The following ARID1B variants were observed in gnomAD, a reference collection of about 807,000 sequenced individuals.
The protein encoded by ARID1B is AT-rich interactive domain-containing protein 1B.
ARID1B carries 30 observed loss-of-function variants against 212.3 expected under a neutral mutation model. The ratio of observed to expected loss-of-function variants is 0.14; its 90% CI spans 0.11 to 0.19. ARID1B has a LOEUF of 0.19. ARID1B is among the 10% of genes least tolerant of loss of function. The pLI, the probability that ARID1B is intolerant of heterozygous loss-of-function variation, is 1.00. For missense variants in ARID1B, 2,891 were observed against 3,204.0 expected, an observed-to-expected ratio of 0.90 and a Z score of 2.36; for synonymous variants, 1,402 against 1,301.7, an observed-to-expected ratio of 1.08 and a Z score of -1.66.
intron 4 of ARID1B, among the ~76,000 whole-genome samples, chr6:157,008,120 C>T (rs1406347935): frequency 6.6e-6 from 1 of 152,046 alleles, no homozygotes; most frequent in East Asian, 1.9e-4. Flanking sequence ...CTTCCTCCTT[C>T]CTTCCCTTTC....
intron 2 of ARID1B, among the ~76,000 whole-genome samples, chr6:156,855,239 A>G (rs375718988): frequency 2.0e-5 from 3 of 152,252 alleles, no homozygotes; most frequent in African/African-American, 4.8e-5. Flanking sequence ...TTTAAGGCGT[A>G]TGGATGATAT....
chr6:157,196,169 T>C lies in ARID1B; in HGVS notation c.4236T>C (p.Pro1412=), dbSNP rs949655879. ...KDPFGGMRKV[P]GSSEPFMTQG... ...ATTTTATTTAAAATATTGCAGTGCC[T>C]GGAAGCAGCGAGCCCTTTATGACGC... Residue 1412 remains proline, a synonymous_variant, in exon 16 of 20, where the codon CCT becomes CCC. Coordinates refer to ENST00000636930, the MANE Select transcript of ARID1B (RefSeq NM_001374828.1). 6 of 1,612,298 alleles carry C rather than the reference T, an allele frequency of 3.7e-6. No individual in the cohort carries two copies. The South Asian group carries it at 5.5e-5, about 15-fold the overall frequency.
intron 4 of ARID1B, among the ~76,000 whole-genome samples, chr6:157,080,910 T>C (rs560285694): frequency 5.9e-5 from 9 of 152,328 alleles, no homozygotes; most frequent in Non-Finnish European, 1.2e-4. Flanking sequence ...TAGTAGAAGT[T>C]AAGTTATTTT....
chr6:156,965,285 T>C (rs1168342887), intron 4 of ARID1B, among the ~76,000 whole-genome samples: 1 of 152,236 alleles, frequency 6.6e-6, no homozygotes, highest in Non-Finnish European at 1.5e-5. Flanking sequence ...TTGCACAGTT[T>C]ATTTCATTTT....
At chr6:157,016,725 C>T (rs754608844) in intron 4 of ARID1B, among the ~76,000 whole-genome samples, 15 of 152,198 alleles carry the variant, frequency 9.9e-5, no homozygotes, top group Non-Finnish European at 1.9e-4. Context: ...ATGTGCGACC[C>T]AAACTGGAAT....
chr6:156,789,812 G>A (rs553740342), intron 1 of ARID1B, among the ~76,000 whole-genome samples: 1 of 152,222 alleles, frequency 6.6e-6, no homozygotes, highest in Non-Finnish European at 1.5e-5. Flanking sequence ...TTCCTCATTT[G>A]TCAAAGAATG....
At position 156,891,752 on chromosome 6, in the gene ARID1B, G is replaced by A. The variant is rs762156890; in HGVS notation, c.1987-9624G>A. 7.3e-5 allele frequency among the ~76,000 whole-genome samples: 11 copies of A among 151,376 alleles called. No homozygotes were observed. In the South Asian group the frequency reaches 8.3e-4, roughly 11 times the overall value. On this transcript the variant is annotated intron_variant, in intron 2 of 19. Transcript: ENST00000636930. ...TCTTTTTTTTCCCCCCCTCAAACCAGTTCCCTGTTGATGGACATTTAAACA... is the reference window on the plus strand; with the variant it reads ...TCTTTTTTTTCCCCCCCTCAAACCAATTCCCTGTTGATGGACATTTAAACA...
chr6:157,085,930 A>G (rs898133052), intron 5 of ARID1B, among the ~76,000 whole-genome samples: 1 of 152,190 alleles, frequency 6.6e-6, no homozygotes, highest in Non-Finnish European at 1.5e-5. Context: ...ATATCCTTTT[A>G]ATCTTTTTTA....
rs961992306 is a variant in ARID1B, at chr6:156,778,750, CCGG to C, written c.1071_1073del (p.Gly358del). On this transcript the variant is annotated inframe_deletion, in exon 1 of 20. Transcript: ENST00000636930. ...ATGCACTCCGCCTCCGCCGCCGCCG[CCGG>C]GGCCCCCGGCAGCATGGACCCCCTG... 6.6e-7 allele frequency: 1 copy of C among 1,524,208 alleles called. No individual in the cohort carries two copies. Among genetic ancestry groups the C allele is most frequent in the Non-Finnish European group, 8.8e-7 (1 of 1,134,070 alleles). 94.4% of individuals were successfully genotyped at this position (1,524,208 alleles called of 1,614,324 possible). A position where few individuals can be genotyped will look rare whatever the true frequency, so the allele number is the denominator to read the frequency against.
intron 8 of ARID1B, among the ~76,000 whole-genome samples, chr6:157,158,187 A>C (rs1790694087): frequency 6.6e-6 from 1 of 152,246 alleles, no homozygotes; most frequent in African/African-American, 2.4e-5. Context: ...TGGTGAGGAC[A>C]TAAAGAACTA....
intron 6 of ARID1B, among the ~76,000 whole-genome samples, chr6:157,131,253 C>T (rs1788527714): frequency 6.6e-6 from 1 of 152,150 alleles, no homozygotes; most frequent in Non-Finnish European, 1.5e-5. Flanking sequence ...GGATAGTGAA[C>T]CCAGGTGTGA....
At chr6:157,166,099 C>A (rs1264272274) in intron 8 of ARID1B, 1 of 152,166 alleles carries the variant, frequency 6.6e-6, no homozygotes, top group Non-Finnish European at 1.5e-5. Context: ...AAGAGCTTGA[C>A]TACAATGGTG....
chr6:157,139,035 A>T (rs1361441186), intron 7 of ARID1B, among the ~76,000 whole-genome samples: 3 of 152,212 alleles, frequency 2.0e-5, no homozygotes. Context: ...TTTTGATAAG[A>T]TCATCACATC....
chr6:156,894,313 T>TGGGAGGGGGGCCGGGGGTG (rs1788216349), intron 2 of ARID1B, among the ~76,000 whole-genome samples: 1 of 95,534 alleles, frequency 1.0e-5, no homozygotes, highest in African/African-American at 4.5e-5. Context: ...GGCCGGGGGT[T>TGGGAGGGGGGCCGGGGGTG]GGGATGGGGA....
chr6:156,947,995 T>C (rs1051487284), intron 4 of ARID1B, among the ~76,000 whole-genome samples: 5 of 152,220 alleles, frequency 3.3e-5, no homozygotes, highest in African/African-American at 1.2e-4. Flanking sequence ...TAGTGGTCTG[T>C]CTGGAGCTTG....
chr6:157,123,124 G>A (rs962789124), intron 6 of ARID1B, among the ~76,000 whole-genome samples: 12 of 152,144 alleles, frequency 7.9e-5, no homozygotes, highest in South Asian at 2.1e-4. Flanking sequence ...AGAAGTCAGG[G>A]CCCTTCTCCT....
chr6:157,005,375 C>T (rs1779186993), intron 4 of ARID1B, among the ~76,000 whole-genome samples: 1 of 152,024 alleles, frequency 6.6e-6, no homozygotes, highest in Non-Finnish European at 1.5e-5. Context: ...GGGCTGTTCT[C>T]GAACTCCTGA....
rs1165226962 is a variant in ARID1B at position 156,777,746 on chromosome 6, C to T, written c.66C>T (p.Ser22=). ...AAARARARAG[S]GERRAPPGPR... Reference sequence around the variant, plus strand: ...CGCGGGCGCGGGCGCGGGCAGGCAGCGGCGAACGGCGGGCGCCCCCCGGGC... The same window carrying T: ...CGCGGGCGCGGGCGCGGGCAGGCAGTGGCGAACGGCGGGCGCCCCCCGGGC... Residue 22 remains serine, a synonymous_variant, in exon 1 of 20, where the codon AGC becomes AGT. Transcript: ENST00000636930. The T allele has an allele frequency of 6.5e-5, 25 of 386,284 alleles. No individual in the cohort carries two copies. Among genetic ancestry groups the T allele is most frequent in the Non-Finnish European group, 8.4e-5 (24 of 287,362 alleles). 23.9% of individuals were successfully genotyped at this position (386,284 alleles called of 1,614,324 possible).
chr6:157,163,664 C>T (rs1791106287), intron 8 of ARID1B, among the ~76,000 whole-genome samples: 1 of 152,206 alleles, frequency 6.6e-6, no homozygotes, highest in Non-Finnish European at 1.5e-5. Context: ...GTCCAGGGAG[C>T]TGTTGTATTC....
Sources: gnomAD v4.1 joint callset for allele counts (sites outside exome capture counted in the v4.1 genomes callset) on GRCh38, gnomAD v4.1.1 for gene constraint, MANE v1.5 for transcripts, NCBI Gene and HGNC (gene_info 2026-07-23, HGNC 2026-07-21) for gene names.